MIPOL1: variants seen among roughly 807,000 people sequenced by gnomAD.
The protein encoded by MIPOL1 is mirror-image polydactyly 1, also known as mirror-image polydactyly gene 1 protein.
MIPOL1 carries 57 observed loss-of-function variants against 60.9 expected under a neutral mutation model. That is an observed-to-expected ratio of 0.94 (90% CI 0.76 to 1.17). MIPOL1 has a LOEUF of 1.17. Among genes scored for constraint, MIPOL1 ranks in the 50% most tolerant of loss-of-function variants. The pLI, the probability that MIPOL1 is intolerant of heterozygous loss-of-function variation, is 0.00. For synonymous variants in MIPOL1, 179 were observed against 168.8 expected (o/e 1.06, Z -0.47); for missense variants, 551 against 511.6 (o/e 1.08, Z -0.74).
intron 11 of MIPOL1, among the ~76,000 whole-genome samples, chr14:37,424,562 G>T (rs2093929677): frequency 6.6e-6 from 1 of 152,174 alleles, no homozygotes; most frequent in Non-Finnish European, 1.5e-5. Flanking sequence ...AGAACTATGT[G>T]ATATTAAATA....
At chr14:37,229,041 TTACTG>T (rs71449983) in intron 1 of MIPOL1, among the ~76,000 whole-genome samples, 39,207 of 151,996 alleles carry the variant, frequency 0.26, 5,155 homozygotes, top group South Asian at 0.32. Context: ...TCAAACATCT[TTACTG>T]TATATAGCTT....
chr14:37,471,926 G>A (rs74045651), intron 11 of MIPOL1, among the ~76,000 whole-genome samples: 2,980 of 152,200 alleles, frequency 0.02, 107 homozygotes, highest in African/African-American at 0.068. Context: ...CTAGCAAAGC[G>A]CCCAGCACAT....
At chr14:37,283,559 T>C (rs2084301248) in intron 6 of MIPOL1, among the ~76,000 whole-genome samples, 1 of 152,208 alleles carries the variant, frequency 6.6e-6, no homozygotes, top group South Asian at 2.1e-4. Context: ...TTTTAATATG[T>C]AAGCAGTACA....
chr14:37,384,716 A>G (rs2093019638), intron 10 of MIPOL1, among the ~76,000 whole-genome samples: 1 of 151,968 alleles, frequency 6.6e-6, no homozygotes, highest in Non-Finnish European at 1.5e-5. Flanking sequence ...GTATATGGTG[A>G]AATATAAAGA....
chr14:37,425,844 G>C (rs140764278), intron 11 of MIPOL1, among the ~76,000 whole-genome samples: 122 of 152,264 alleles, frequency 8.0e-4, no homozygotes, highest in Admixed American at 1.6e-3. Context: ...CTTTACATTG[G>C]AAATTCGGTG....
intron 12 of MIPOL1, among the ~76,000 whole-genome samples, chr14:37,522,257 G>A (rs904193327): frequency 1.3e-5 from 2 of 152,082 alleles, no homozygotes; most frequent in African/African-American, 2.4e-5. Flanking sequence ...TCATATTAAT[G>A]TTAAGTGTTA....
intron 6 of MIPOL1, among the ~76,000 whole-genome samples, chr14:37,271,666 T>C (rs1304779481): frequency 6.6e-6 from 1 of 151,826 alleles, no homozygotes; most frequent in Non-Finnish European, 1.5e-5. Context: ...TTGTTAAAAA[T>C]AAGCATTTCA....
chr14:37,211,409 G>A (rs1594473797), intron 1 of MIPOL1, among the ~76,000 whole-genome samples: 1 of 152,180 alleles, frequency 6.6e-6, no homozygotes, highest in South Asian at 2.1e-4. Flanking sequence ...GGGAACTGGG[G>A]GAGAGAAAAC....
At chr14:37,364,097 A>C (rs1420587496) in intron 9 of MIPOL1, among the ~76,000 whole-genome samples, 1 of 152,310 alleles carries the variant, frequency 6.6e-6, no homozygotes, top group East Asian at 1.9e-4. Flanking sequence ...TTCCTGGGTG[A>C]GGTGACGCCC....
At chr14:37,248,753 G>A (rs1973600245) in intron 3 of MIPOL1, among the ~76,000 whole-genome samples, 1 of 151,904 alleles carries the variant, frequency 6.6e-6, no homozygotes, top group South Asian at 2.1e-4. Context: ...ATGAGAGACA[G>A]ACATGTATAT....
intron 9 of MIPOL1, among the ~76,000 whole-genome samples, chr14:37,335,491 A>G (rs1027384121): frequency 1.3e-5 from 2 of 151,996 alleles, no homozygotes; most frequent in Admixed American, 6.6e-5. Flanking sequence ...GGTACCTTAT[A>G]TAGGTGGAAT....
At chr14:37,365,001 G>T (rs1199401454) in intron 9 of MIPOL1, among the ~76,000 whole-genome samples, 3 of 152,016 alleles carry the variant, frequency 2.0e-5, no homozygotes, top group African/African-American at 7.2e-5. Context: ...TTCTTTTTCA[G>T]ATTTTTCACT....
chr14:37,544,796 T>C (rs1396448558), intron 12 of MIPOL1, among the ~76,000 whole-genome samples: 1 of 152,246 alleles, frequency 6.6e-6, no homozygotes, highest in African/African-American at 2.4e-5. Context: ...GATGTGGTAA[T>C]TGTTGAAATA....
rs138134570 is a variant in MIPOL1 at position 37,302,665 on chromosome 14, A to G, written c.624-5391A>G. 3.3e-4 allele frequency among the ~76,000 whole-genome samples: 46 copies of G among 139,790 alleles called. 1 individual carries two copies. The highest frequency in any genetic ancestry group is 1.1e-3 in the African/African-American group (42 of 36,740). The allele number at this position is 139,790 out of a possible 152,430, so 91.7% of individuals were successfully genotyped here. Reference sequence around the variant, plus strand: ...TTTTTTTTTGCTTATGGACATTCTTATATTCTACCACCATTTGTTGGAAAG... The same window carrying G: ...TTTTTTTTTGCTTATGGACATTCTTGTATTCTACCACCATTTGTTGGAAAG... On this transcript the variant is annotated intron_variant, in intron 7 of 12. Transcript: ENST00000684589.
chr14:37,413,794 A>T (rs1393908079), intron 10 of MIPOL1, among the ~76,000 whole-genome samples: 5 of 152,138 alleles, frequency 3.3e-5, no homozygotes, highest in African/African-American at 1.2e-4. Context: ...AGTTCCTAAG[A>T]CACCTTAGTT....
intron 10 of MIPOL1, among the ~76,000 whole-genome samples, chr14:37,372,137 A>G (rs566923559): frequency 2.0e-5 from 3 of 152,108 alleles, no homozygotes; most frequent in African/African-American, 7.2e-5. Context: ...TGAGTAGGGT[A>G]AAAACTGAGC....
At chr14:37,539,703 T>C (rs2095522071) in intron 12 of MIPOL1, among the ~76,000 whole-genome samples, 1 of 151,968 alleles carries the variant, frequency 6.6e-6, no homozygotes, top group Admixed American at 6.6e-5. Flanking sequence ...ATAAAGGAAA[T>C]CAAGTAGGGT....
intron 10 of MIPOL1, among the ~76,000 whole-genome samples, chr14:37,391,957 C>T (rs2093255703): frequency 6.6e-6 from 1 of 151,926 alleles, no homozygotes; most frequent in African/African-American, 2.4e-5. Context: ...ATAGGATATA[C>T]TTAAATAGTC....
chr14:37,281,172 A>G (rs2084076217), intron 6 of MIPOL1, among the ~76,000 whole-genome samples: 1 of 152,154 alleles, frequency 6.6e-6, no homozygotes. Context: ...AGTGCATTTT[A>G]AACTGATTCT....
Sources: allele counts gnomAD v4.1 joint callset (sites outside exome capture counted in the v4.1 genomes callset), GRCh38; gene constraint gnomAD v4.1.1; transcripts MANE v1.5; gene names NCBI Gene and HGNC (gene_info 2026-07-23, HGNC 2026-07-21).